SCN1A: variants seen among roughly 807,000 people sequenced by gnomAD.
SCN1A encodes the protein sodium channel protein type 1 subunit alpha.
A neutral mutation model predicts 193.7 loss-of-function variants in SCN1A; 13 were observed. The ratio of observed to expected loss-of-function variants is 0.07; its 90% CI spans 0.04 to 0.11. SCN1A has a LOEUF of 0.11. Among genes scored for constraint, SCN1A ranks in the 10% least tolerant of loss-of-function variants. SCN1A has a pLI of 1.00. For missense variants in SCN1A, 1,432 were observed against 2,451.1 expected (o/e 0.58, Z 8.78); for synonymous variants, 781 against 843.6 (o/e 0.93, Z 1.29).
intron 16 of SCN1A, among the ~76,000 whole-genome samples, chr2:166,040,368 C>T (rs939099246): frequency 1.3e-5 from 2 of 152,088 alleles, no homozygotes; most frequent in African/African-American, 4.8e-5. Flanking sequence ...CAGAGTTATA[C>T]ATTCTTATCT....
In SCN1A at chr2:166,087,007, C is replaced by T. The variant is rs114685190; in HGVS notation, c.-141-9206G>A. ...GTGCTATACTTTGGATATGGTTTGT[C>T]GCCATCAAATCTCATGTTGAAATTT... is the stretch of plus-strand genomic sequence containing the variant. On this transcript the variant is annotated intron_variant, in intron 2 of 28. Coordinates refer to ENST00000674923, the MANE Select transcript of SCN1A (RefSeq NM_001165963.4). Among the ~76,000 whole-genome samples, 1,518 of 152,070 alleles carry T rather than the reference C, an allele frequency of 1.0e-2. 30 individuals carry two copies. The highest frequency in any genetic ancestry group is 0.033 in the African/African-American group (1,384 of 41,456).
chr2:166,019,264 T>A (rs79676112), intron 19 of SCN1A, among the ~76,000 whole-genome samples: 3,874 of 152,292 alleles, frequency 0.025, 61 homozygotes, highest in Non-Finnish European at 0.039. Context: ...TCCAATGGAA[T>A]ATCTGCACTT....
At chr2:166,049,046 G>C in intron 9 of SCN1A, 97 bp from the exon 10 acceptor site, 1 of 768,126 alleles carries the variant, frequency 1.3e-6, no homozygotes, top group South Asian at 1.4e-5. Context: ...AGTTTATTGA[G>C]TAATTTTAAA....
intron 2 of SCN1A, among the ~76,000 whole-genome samples, chr2:166,081,031 A>T (rs1184207189): frequency 6.9e-6 from 1 of 144,656 alleles, no homozygotes; most frequent in African/African-American, 2.5e-5. Context: ...GCTTCTGGGC[A>T]TTATATATCT....
In SCN1A at chr2:166,013,866, T is replaced by A. The variant is rs143193348; in HGVS notation, c.3583A>T (p.Asn1195Tyr). 6.2e-7 allele frequency: 1 copy of A among 1,612,220 alleles called. No individual in the cohort carries two copies. The highest frequency in any genetic ancestry group is 8.5e-7 in the Non-Finnish European group (1 of 1,178,636). Residue 1195 changes from asparagine (N) to tyrosine (Y), a missense_variant, in exon 21 of 29, where the codon AAT (asparagine) becomes TAT (tyrosine). By Grantham distance (143) the Asn-to-Tyr change is moderately radical (BLOSUM62 -2). This residue lies in a region of SCN1A where 198 missense variants were observed against 225.8 expected (regional missense o/e 0.88). Coordinates refer to ENST00000674923, the MANE Select transcript of SCN1A (RefSeq NM_001165963.4). ...TGTTTTCCTCTGCCTTCTTCCACAT[T>A]GATTTGACAACACTTGAATCTTTGT... ...CVQRFKCCQI[N>Y]VEEGRGKQWW...
chr2:166,099,383 T>C (rs1457942293), intron 2 of SCN1A, among the ~76,000 whole-genome samples: 2 of 151,022 alleles, frequency 1.3e-5, no homozygotes, highest in Non-Finnish European at 2.9e-5. Context: ...GAGCTATCTA[T>C]GACAAACCCA....
chr2:166,122,748 A>C (rs1257469256), intron 2 of SCN1A, among the ~76,000 whole-genome samples: 1 of 152,192 alleles, frequency 6.6e-6, no homozygotes, highest in East Asian at 1.9e-4. Flanking sequence ...CCTAGATCTA[A>C]ATGCAAGAGC....
chr2:166,048,740 A>G (rs1698149013), intron 10 of SCN1A, 146 bp downstream of exon 10: 3 of 652,486 alleles, frequency 4.6e-6, no homozygotes, highest in Non-Finnish European at 5.5e-6. Flanking sequence ...ATAATCTCAT[A>G]CTTTATCAAA....
rs57044851 is a variant in SCN1A, at chr2:166,120,596, C to CTTTTTTTTT, written c.-142+6319_-142+6327dup. Among the ~76,000 whole-genome samples, 8 of 72,484 alleles carry CTTTTTTTTT rather than the reference C, an allele frequency of 1.1e-4. No individual in the cohort carries two copies. In the East Asian group the frequency reaches 1.5e-3, roughly 13 times the overall value. The allele number at this position is 72,484 out of a possible 152,430, so 47.6% of individuals were successfully genotyped here. A position where few individuals can be genotyped will look rare whatever the true frequency, so the allele number is the denominator to read the frequency against. Reference sequence around the variant, plus strand: ...TAGACTGTTTTCTTTTTTCTTTTCTCTTTTTTTTTTTTTTTTTTTTTTTTT... The same window carrying CTTTTTTTTT: ...TAGACTGTTTTCTTTTTTCTTTTCTCTTTTTTTTTTTTTTTTTTTTTTTTTTTTTTTTTT... On this transcript the variant is annotated intron_variant, in intron 2 of 28. Transcript: ENST00000674923.
rs532875840 is a variant in SCN1A at position 166,008,852 on chromosome 2, T to A, written c.4002+867A>T. Among the ~76,000 whole-genome samples the A allele has an allele frequency of 1.6e-3, 236 of 150,394 alleles. 1 individual carries two copies. The highest frequency in any genetic ancestry group is 3.6e-3 in the African/African-American group (148 of 41,230). ...GTTTTGTTTTGATAATATTTTTTTT[T>A]AAAAAAAAGCAGAACTAATTTTTTA... is the stretch of plus-strand genomic sequence containing the variant. On this transcript the variant is annotated intron_variant, in intron 23 of 28. Coordinates refer to ENST00000674923, the MANE Select transcript of SCN1A (RefSeq NM_001165963.4).
At chr2:166,137,874 G>A (rs1420561619) in intron 1 of SCN1A, among the ~76,000 whole-genome samples, 1 of 152,188 alleles carries the variant, frequency 6.6e-6, no homozygotes, top group African/African-American at 2.4e-5. Flanking sequence ...GAGACTTGTT[G>A]AATGGCTTTG....
rs760865208 is a variant in SCN1A, at chr2:166,048,909, T to C, written c.1005A>G (p.Leu335=). 2 of 1,606,282 alleles carry C rather than the reference T, an allele frequency of 1.2e-6. No homozygotes were observed. The highest frequency in any genetic ancestry group is 1.7e-6 in the Non-Finnish European group (2 of 1,173,480). ...YFLEGFLDAL[L]CGNSSDAGQC... is the part of the protein sequence containing the mutation. ...ACCCTGCATCAGAGCTATTTCCACA[T>C]AGTAGTGCATCTAAAAAACCCTCCA... The change falls in exon 10 of 29, where the codon CTA becomes CTG. Residue 335 remains leucine, a synonymous_variant. Coordinates refer to ENST00000674923, the MANE Select transcript of SCN1A (RefSeq NM_001165963.4).
At chr2:166,041,562 C>T in intron 15 of SCN1A, 93 bp from the exon 16 acceptor site, 1 of 903,706 alleles carries the variant, frequency 1.1e-6, no homozygotes, top group Non-Finnish European at 1.7e-6. Context: ...TTTCAGTAAT[C>T]AACACATTTT....
intron 2 of SCN1A, among the ~76,000 whole-genome samples, chr2:166,097,010 G>GTT (rs71393701): frequency 4.0e-5 from 6 of 151,586 alleles, no homozygotes; most frequent in Non-Finnish European, 8.8e-5. Flanking sequence ...CTTTGTGTGT[G>GTT]TTTTTTTTGT....
chr2:166,045,328 C>T lies in SCN1A; in HGVS notation c.1378-1G>A. On this transcript the variant is annotated splice_acceptor_variant, in intron 12 of 28. Coordinates refer to ENST00000674923, the MANE Select transcript of SCN1A (RefSeq NM_001165963.4). LOFTEE classifies it high-confidence loss of function. The stretch of plus-strand genomic sequence containing the variant: ...CTGAGGCAGTTGCCGTTGCTGCCTG[C>T]TATATTGAAGAGAAATGATTTTAAC... The T allele has an allele frequency of 6.2e-7, 1 of 1,613,968 alleles. No homozygotes were observed. The highest frequency in any genetic ancestry group is 8.5e-7 in the Non-Finnish European group (1 of 1,179,962).
rs923265209 is a variant in SCN1A, at chr2:166,043,546, G to T, written c.2043+123C>A. The T allele has an allele frequency of 2.1e-5, 22 of 1,040,292 alleles. No homozygotes were observed. The African/African-American group carries it at 3.4e-4, about 16-fold the overall frequency. The allele number at this position is 1,040,292 out of a possible 1,614,324, so 64.4% of individuals were successfully genotyped here. A position where few individuals can be genotyped will look rare whatever the true frequency, so the allele number is the denominator to read the frequency against. On this transcript the variant is annotated intron_variant, in intron 14 of 28. Transcript: ENST00000674923. ...GGTTAGTCTATTAAAGATATTACAAGATGCAGGTGCATTCACAGCGTGACC... is the reference window on the plus strand; with the variant it reads ...GGTTAGTCTATTAAAGATATTACAATATGCAGGTGCATTCACAGCGTGACC...
At chr2:166,108,029 T>G (rs949525538) in intron 2 of SCN1A, among the ~76,000 whole-genome samples, 3 of 152,024 alleles carry the variant, frequency 2.0e-5, no homozygotes. Flanking sequence ...AAAGAACGTA[T>G]TTGCAAATCA....
rs1474333400 is a variant in SCN1A, at chr2:166,002,586, C to T, written c.4170G>A (p.Val1390=). 1 of 1,611,826 alleles carries T rather than the reference C, an allele frequency of 6.2e-7. No individual in the cohort carries two copies. Among genetic ancestry groups the T allele is most frequent in the Non-Finnish European group, 8.5e-7 (1 of 1,178,744 alleles). ...GTTTTAGGCAATCAGTATGATTATT[C>T]ACGTCTTCGATGTCAAACCTGTCAC... ...TTGDRFDIED[V]NNHTDCLKLI... The change falls in exon 24 of 29, where the codon GTG becomes GTA. Residue 1390 remains valine (V), a synonymous_variant. Coordinates refer to ENST00000674923, the MANE Select transcript of SCN1A (RefSeq NM_001165963.4).
At position 165,990,693 on chromosome 2, in the gene SCN1A, G is replaced by A. The variant is rs1689009096; in HGVS notation, c.*552C>T. Reference sequence around the variant, plus strand: ...TGCAGCATGCCCTCATGCAAACCACGACTTTGTGTAGCTGGGAGGGCCATG... The same window carrying A: ...TGCAGCATGCCCTCATGCAAACCACAACTTTGTGTAGCTGGGAGGGCCATG... On this transcript the variant is annotated 3_prime_UTR_variant, in exon 29 of 29. Coordinates refer to ENST00000674923, the MANE Select transcript of SCN1A (RefSeq NM_001165963.4). 1 of 154,818 alleles carries A rather than the reference G, an allele frequency of 6.5e-6. No homozygotes were observed. The highest frequency in any genetic ancestry group is 2.4e-5 in the African/African-American group (1 of 41,412). 9.6% of individuals were successfully genotyped at this position (154,818 alleles called of 1,614,324 possible).
Sources: gnomAD v4.1 joint callset for allele counts (sites outside exome capture counted in the v4.1 genomes callset) on GRCh38, gnomAD v4.1.1 for gene constraint, gnomAD v4.1.1 regional missense constraint, MANE v1.5 for transcripts, NCBI Gene and HGNC (gene_info 2026-07-23, HGNC 2026-07-21) for gene names.